Variants in WWOX observed in about 807,000 individuals in gnomAD.
WWOX encodes WW domain-containing oxidoreductase.
Under a neutral mutation model 46.2 loss-of-function variants are expected in WWOX, and 69 were observed. That is an observed-to-expected ratio of 1.49 (90% CI 1.23 to 1.82). The LOEUF is 1.82. Among genes scored for constraint, WWOX ranks in the 40% most tolerant of loss-of-function variants. The pLI is 0.00. For missense variants in WWOX, 919 were observed against 542.6 expected (o/e 1.69, Z -6.89); for synonymous variants, 359 against 202.6 (o/e 1.77, Z -6.56).
intron 8 of WWOX, among the ~76,000 whole-genome samples, chr16:78,524,265 C>T (rs1426585251): frequency 2.0e-5 from 3 of 152,194 alleles, no homozygotes; most frequent in Admixed American, 6.5e-5. Flanking sequence ...TAGAAGCAGA[C>T]ACAGCCATGA....
At chr16:78,296,756 T>G (rs1163192375) in intron 5 of WWOX, among the ~76,000 whole-genome samples, 1 of 152,158 alleles carries the variant, frequency 6.6e-6, no homozygotes, top group Non-Finnish European at 1.5e-5. Context: ...CAGCAATTCA[T>G]ATCTAAAAAT....
chr16:79,118,078 G>C (rs2049553665), intron 8 of WWOX, among the ~76,000 whole-genome samples: 1 of 152,226 alleles, frequency 6.6e-6, no homozygotes, highest in African/African-American at 2.4e-5. Flanking sequence ...TTCAGCCTAT[G>C]TCAGTTTTCG....
At chr16:78,647,454 C>G (rs1048156592) in intron 8 of WWOX, among the ~76,000 whole-genome samples, 1 of 152,104 alleles carries the variant, frequency 6.6e-6, no homozygotes, top group Non-Finnish European at 1.5e-5. Context: ...TGATCATGGA[C>G]CCGTTCAGTA....
At chr16:78,417,661 C>A (rs2082830281) in intron 6 of WWOX, among the ~76,000 whole-genome samples, 1 of 152,180 alleles carries the variant, frequency 6.6e-6, no homozygotes, top group African/African-American at 2.4e-5. Flanking sequence ...TGTCTTACTA[C>A]AATATATGAA....
chr16:79,155,051 C>G lies in WWOX; in HGVS notation c.1057-56557C>G, dbSNP rs12933388. Among the ~76,000 whole-genome samples the G allele has an allele frequency of 4.7e-3, 716 of 152,340 alleles. 1 individual carries two copies. The highest frequency in any genetic ancestry group is 7.0e-3 in the Non-Finnish European group (477 of 68,040). Reference sequence around the variant, plus strand: ...CCCAGACTTAGGGTTCTAGATTCTTCTAGATTCTACAGCAGGCACTGGCAA... The same window carrying G: ...CCCAGACTTAGGGTTCTAGATTCTTGTAGATTCTACAGCAGGCACTGGCAA... On this transcript the variant is annotated intron_variant, in intron 8 of 8. Transcript: ENST00000566780.
intron 8 of WWOX, among the ~76,000 whole-genome samples, chr16:78,755,703 C>T (rs975585643): frequency 6.6e-6 from 1 of 152,100 alleles, no homozygotes; most frequent in South Asian, 2.1e-4. Context: ...GTGACAAATA[C>T]CCATTTTGAT....
At chr16:78,464,859 C>G (rs899050612) in intron 8 of WWOX, among the ~76,000 whole-genome samples, 2 of 152,146 alleles carry the variant, frequency 1.3e-5, no homozygotes, top group African/African-American at 4.8e-5. Flanking sequence ...ACATATTACT[C>G]CATTCCCATA....
chr16:78,141,980 A>C (rs560082132), intron 4 of WWOX, among the ~76,000 whole-genome samples: 1 of 127,794 alleles, frequency 7.8e-6, no homozygotes, highest in East Asian at 2.5e-4. Flanking sequence ...CTTCCTTATA[A>C]AATTTTAAAT....
intron 8 of WWOX, among the ~76,000 whole-genome samples, chr16:78,964,385 A>C (rs7196198): frequency 0.65 from 98,486 of 151,512 alleles, 32,683 homozygotes; most frequent in African/African-American, 0.79. Flanking sequence ...AGCACAGGTG[A>C]CTCTTGTTAT....
chr16:78,570,643 G>A (rs1261871146), intron 8 of WWOX, among the ~76,000 whole-genome samples: 4 of 152,116 alleles, frequency 2.6e-5, no homozygotes, highest in South Asian at 4.1e-4. Context: ...CTTCCTACTA[G>A]AAGCCAGGCG....
chr16:78,893,156 A>G (rs2044627240), intron 8 of WWOX, among the ~76,000 whole-genome samples: 1 of 152,052 alleles, frequency 6.6e-6, no homozygotes, highest in African/African-American at 2.4e-5. Flanking sequence ...ACAGGGTCAC[A>G]AAGACACACG....
rs189927202 is a variant in WWOX, at chr16:79,012,119, C to T, written c.1057-199489C>T. On this transcript the variant is annotated intron_variant, in intron 8 of 8. Transcript: ENST00000566780. Reference sequence around the variant, plus strand: ...AGGCTTTTGCAGTGCTCTCGGCCCGCGCTGTCCAATAGAACTTTCTGCAGT... The same window carrying T: ...AGGCTTTTGCAGTGCTCTCGGCCCGTGCTGTCCAATAGAACTTTCTGCAGT... Among the ~76,000 whole-genome samples, 1,400 of 152,314 alleles carry T rather than the reference C, an allele frequency of 9.2e-3. 15 individuals are homozygous for T. The highest frequency in any genetic ancestry group is 0.032 in the African/African-American group (1,324 of 41,566).
intron 5 of WWOX, among the ~76,000 whole-genome samples, chr16:78,380,928 T>C (rs903246038): frequency 5.3e-5 from 8 of 152,206 alleles, no homozygotes; most frequent in South Asian, 2.1e-4. Flanking sequence ...TGAGAGCCCA[T>C]TGTGTGGCTT....
chr16:78,324,497 A>G (rs1436715165), intron 5 of WWOX, among the ~76,000 whole-genome samples: 1 of 152,178 alleles, frequency 6.6e-6, no homozygotes, highest in Non-Finnish European at 1.5e-5. Context: ...TAATAGCTGC[A>G]TTGTTCTTAA....
chr16:78,501,393 A>G (rs1227223519), intron 8 of WWOX, among the ~76,000 whole-genome samples: 1 of 151,942 alleles, frequency 6.6e-6, no homozygotes, highest in African/African-American at 2.4e-5. Flanking sequence ...GTGTCTAGGT[A>G]TCTGTGAATG....
intron 8 of WWOX, among the ~76,000 whole-genome samples, chr16:78,497,564 G>T (rs933859247): frequency 6.6e-6 from 1 of 152,158 alleles, no homozygotes; most frequent in Non-Finnish European, 1.5e-5. Flanking sequence ...AACCACACAT[G>T]TGATAAGGGG....
At chr16:78,821,154 C>T (rs1484212046) in intron 8 of WWOX, among the ~76,000 whole-genome samples, 1 of 152,166 alleles carries the variant, frequency 6.6e-6, no homozygotes, top group Non-Finnish European at 1.5e-5. Context: ...TTTCTCTTGG[C>T]CTTTCTCCTA....
chr16:78,400,820 A>G (rs2082394971), intron 6 of WWOX, among the ~76,000 whole-genome samples: 1 of 152,218 alleles, frequency 6.6e-6, no homozygotes, highest in South Asian at 2.1e-4. Context: ...ATATATCAGA[A>G]TAGCACTTTG....
rs903333994 is a variant in WWOX at position 79,019,157 on chromosome 16, CAAAAAAAAAA to C, written c.1057-192432_1057-192423del. On this transcript the variant is annotated intron_variant, in intron 8 of 8. Coordinates refer to ENST00000566780, the MANE Select transcript of WWOX (RefSeq NM_016373.4). ...TGGGCAGCAGAGTGCGACCTTGTCT[CAAAAAAAAAA>C]AAAAAAAAAAAAAAAAAAGAAAAAA... Among the ~76,000 whole-genome samples the C allele has an allele frequency of 3.3e-4, 8 of 24,576 alleles. 1 individual carries two copies. Among genetic ancestry groups the C allele is most frequent in the South Asian group, 3.9e-3 (1 of 256 alleles). 16.1% of individuals were successfully genotyped at this position (24,576 alleles called of 152,430 possible).
Sources: gnomAD v4.1 joint callset for allele counts (sites outside exome capture counted in the v4.1 genomes callset) on GRCh38, gnomAD v4.1.1 for gene constraint, MANE v1.5 for transcripts, NCBI Gene and HGNC (gene_info 2026-07-23, HGNC 2026-07-21) for gene names.